Variants in PDXDC1 observed in about 807,000 individuals in gnomAD.
The protein encoded by PDXDC1 is pyridoxal dependent decarboxylase domain containing 1, also known as pyridoxal-dependent decarboxylase domain-containing protein 1.
Under a neutral mutation model 100.1 loss-of-function variants are expected in PDXDC1, and 42 were observed. The observed-to-expected ratio is 0.42, with a 90% CI of 0.33 to 0.54. The LOEUF (loss-of-function observed/expected upper bound fraction) is 0.54. Among genes scored for constraint, PDXDC1 ranks in the 20% least tolerant of loss-of-function variants. The probability of loss-of-function intolerance (pLI) is 0.10; values close to 1 mark genes in which losing one functional copy is unlikely to be tolerated. For synonymous variants in PDXDC1, 260 were observed against 371.7 expected (o/e 0.70, Z 3.46); for missense variants, 636 against 979.2 (o/e 0.65, Z 4.68).
intron 16 of PDXDC1, among the ~76,000 whole-genome samples, chr16:15,087,902 G>A (rs1205945735): frequency 6.6e-6 from 1 of 152,046 alleles, no homozygotes; most frequent in Non-Finnish European, 1.5e-5. Flanking sequence ...ATCACCTGAG[G>A]TTGGGAGTTC....
At chr16:15,003,945 C>T (rs1373358511) in intron 4 of PDXDC1, among the ~76,000 whole-genome samples, 1 of 152,262 alleles carries the variant, frequency 6.6e-6, no homozygotes, top group African/African-American at 2.4e-5. Flanking sequence ...GATCGCACCA[C>T]TGCACCCCAG....
chr16:14,976,085 C>T (rs1966795880), intron 1 of PDXDC1, among the ~76,000 whole-genome samples: 1 of 152,288 alleles, frequency 6.6e-6, no homozygotes, highest in African/African-American at 2.4e-5. Flanking sequence ...GAAACGGATT[C>T]TCATTGTCCC....
chr16:14,988,668 G>A lies in PDXDC1; in HGVS notation c.22-9085G>A, dbSNP rs371052546. On this transcript the variant is annotated intron_variant, in intron 1 of 22. Transcript: ENST00000396410. ...TAGGTAGGGCTTGCCCTCGGCATCC[G>A]CCAGCACGGCCAGGTTGATATGGTC... The A allele has an allele frequency of 1.9e-4, 301 of 1,613,598 alleles. 1 individual carries two copies. In the South Asian group the frequency reaches 2.0e-3, roughly 11 times the overall value.
At chr16:15,026,740 T>C (rs1431950534) in intron 14 of PDXDC1, 34 bp downstream of exon 14, 1 of 1,595,508 alleles carries the variant, frequency 6.3e-7, no homozygotes, top group Non-Finnish European at 8.6e-7. Context: ...TATTTTCATA[T>C]CTGTGTTAAA....
intron 16 of PDXDC1, among the ~76,000 whole-genome samples, chr16:15,128,598 T>G (rs546112853): frequency 6.6e-6 from 1 of 152,026 alleles, no homozygotes; most frequent in Non-Finnish European, 1.5e-5. Flanking sequence ...TTAAGTTACA[T>G]GGAAAGAACT....
At chr16:15,129,152 G>A (rs929979275) in intron 16 of PDXDC1, among the ~76,000 whole-genome samples, 2 of 151,866 alleles carry the variant, frequency 1.3e-5, no homozygotes, top group African/African-American at 4.8e-5. Flanking sequence ...GGGAAATGAA[G>A]ATAAAAGCAG....
intron 19 of PDXDC1, 134 bp from the exon 20 acceptor site, chr16:15,034,152 G>C: frequency 2.8e-6 from 2 of 713,102 alleles, no homozygotes; most frequent in South Asian, 1.7e-5. Flanking sequence ...GTTTCTGTTC[G>C]TTTTACGCCG....
At chr16:15,100,951 A>C (rs2046523057) in intron 16 of PDXDC1, among the ~76,000 whole-genome samples, 1 of 152,216 alleles carries the variant, frequency 6.6e-6, no homozygotes, top group African/African-American at 2.4e-5. Context: ...TCCCCACTGC[A>C]TCCTGCAACA....
At chr16:15,130,553 C>T (rs2047997396) in intron 16 of PDXDC1, 8 of 1,359,216 alleles carry the variant, frequency 5.9e-6, no homozygotes, top group Admixed American at 1.7e-5. Context: ...CGCTGCCTGC[C>T]GTCCCCACAG....
intron 16 of PDXDC1, among the ~76,000 whole-genome samples, chr16:15,073,513 A>G (rs2045327899): frequency 6.6e-6 from 1 of 152,224 alleles, no homozygotes; most frequent in African/African-American, 2.4e-5. Context: ...ACAAAATGCT[A>G]CTTTTAGTTT....
At chr16:15,085,017 G>A (rs2045862167) in intron 16 of PDXDC1, among the ~76,000 whole-genome samples, 1 of 151,632 alleles carries the variant, frequency 6.6e-6, no homozygotes, top group Admixed American at 6.6e-5. Flanking sequence ...AGCGAACCGA[G>A]ATCACACCAC....
At chr16:15,049,742 T>C (rs1446032408) in intron 16 of PDXDC1, among the ~76,000 whole-genome samples, 1 of 152,056 alleles carries the variant, frequency 6.6e-6, no homozygotes, top group Non-Finnish European at 1.5e-5. Flanking sequence ...TAATTTGTAA[T>C]GGCAAAAAGC....
At position 15,035,865 on chromosome 16, in the gene PDXDC1, G is replaced by C. The variant is rs920349479; in HGVS notation, c.2108-151G>C. 6.0e-6 allele frequency: 5 copies of C among 834,244 alleles called. No homozygotes were observed. In the South Asian group the frequency reaches 8.5e-5, roughly 14 times the overall value. The allele number at this position is 834,244 out of a possible 1,614,324, so 51.7% of individuals were successfully genotyped here. A position where few individuals can be genotyped will look rare whatever the true frequency, so the allele number is the denominator to read the frequency against. ...TGTTGGTGTCAAGCTAGCAGCTCTC[G>C]GTTTTCTCATCTCCTAAAACACCTC... On this transcript the variant is annotated intron_variant, in intron 22 of 22. Coordinates refer to ENST00000396410, the MANE Select transcript of PDXDC1 (RefSeq NM_015027.4).
chr16:15,027,600 AG>A (rs1377376173), intron 14 of PDXDC1, among the ~76,000 whole-genome samples: 5 of 152,298 alleles, frequency 3.3e-5, no homozygotes, highest in African/African-American at 1.2e-4. Context: ...GGGAGCCAGA[AG>A]GGAGACAGAT....
At chr16:15,131,754 G>A (rs1172553509) in intron 16 of PDXDC1, 24 of 1,037,844 alleles carry the variant, frequency 2.3e-5, no homozygotes, top group Non-Finnish European at 3.3e-5. Context: ...GGCAGAGGGA[G>A]GGTGGGGGCA....
intron 16 of PDXDC1, among the ~76,000 whole-genome samples, chr16:15,055,533 G>A (rs948378399): frequency 6.6e-6 from 1 of 152,258 alleles, no homozygotes; most frequent in Non-Finnish European, 1.5e-5. Flanking sequence ...CCCGAAGGCG[G>A]GCGGCCGGAT....
At chr16:15,035,643 G>A (rs2043380085) in intron 22 of PDXDC1, 90 bp downstream of exon 22, 1 of 699,558 alleles carries the variant, frequency 1.4e-6, no homozygotes, top group South Asian at 1.9e-5. Flanking sequence ...GAACTCCAGA[G>A]GTCTATTTCT....
the PDXDC1 span, among the ~76,000 whole-genome samples, chr16:15,146,581 C>T: frequency 1.3e-5 from 2 of 152,110 alleles, no homozygotes; most frequent in South Asian, 2.1e-4. Context: ...CCTACAGCCA[C>T]GCGGCCCTGC....
At chr16:15,070,943 A>G (rs1306452324) in intron 16 of PDXDC1, among the ~76,000 whole-genome samples, 1 of 152,206 alleles carries the variant, frequency 6.6e-6, no homozygotes, top group Non-Finnish European at 1.5e-5. Context: ...ATATATAAAA[A>G]AGGAGACACT....
Sources: gnomAD v4.1 joint callset for allele counts (sites outside exome capture counted in the v4.1 genomes callset) on GRCh38, gnomAD v4.1.1 for gene constraint, MANE v1.5 for transcripts, NCBI Gene and HGNC (gene_info 2026-07-23, HGNC 2026-07-21) for gene names.